The following LHX8 variants were observed in gnomAD, a reference collection of about 807,000 sequenced individuals.
LHX8 encodes the protein LIM homeobox 8.
LHX8 carries 12 observed loss-of-function variants against 40.3 expected under a neutral mutation model. That is an observed-to-expected ratio of 0.30 (90% confidence interval 0.19 to 0.48). The LOEUF (loss-of-function observed/expected upper bound fraction) is 0.48, where lower values mean the gene tolerates loss of function less well. Ranked by LOEUF, LHX8 falls within the 20% of genes least tolerant of loss-of-function variation. The probability of loss-of-function intolerance (pLI) is 0.99; values close to 1 mark genes in which losing one functional copy is unlikely to be tolerated. For synonymous variants in LHX8, 179 were observed against 162.0 expected, an observed-to-expected ratio of 1.10 and a Z score of -0.80; for missense variants, 344 against 433.7, an observed-to-expected ratio of 0.79 and a Z score of 1.84.
At chr1:75,186,566 C>T in the LHX8 span, among the ~76,000 whole-genome samples, 5 of 152,170 alleles carry the variant, frequency 3.3e-5, 1 homozygote, top group South Asian at 1.0e-3. Flanking sequence ...CTGTTTTAAT[C>T]TCTTACTTAG....
At chr1:75,161,640 G>A (rs1295441057), downstream of LHX8, 2 of 146,880 alleles carry the variant, frequency 1.4e-5, no homozygotes, top group Non-Finnish European at 3.0e-5. Context: ...TGCATTGTAT[G>A]AACACATTTG....
downstream of LHX8, among the ~76,000 whole-genome samples, chr1:75,162,826 G>A (rs372965765): frequency 1.4e-4 from 21 of 152,240 alleles, no homozygotes; most frequent in East Asian, 3.7e-3. Flanking sequence ...GGAAAGAATT[G>A]AAGTATTTCC....
chr1:75,180,436 A>T, the LHX8 span, among the ~76,000 whole-genome samples: 3 of 152,068 alleles, frequency 2.0e-5, no homozygotes, highest in Non-Finnish European at 2.9e-5. Flanking sequence ...TCATTTCATT[A>T]ATTTGATCTT....
the LHX8 span, among the ~76,000 whole-genome samples, chr1:75,174,329 T>C: frequency 6.6e-6 from 1 of 152,158 alleles, no homozygotes; most frequent in African/African-American, 2.4e-5. Context: ...TAGGCCCCTG[T>C]TCCTGCCAGC....
upstream of LHX8, among the ~76,000 whole-genome samples, chr1:75,129,654 T>C (rs146070340): frequency 1.5e-3 from 224 of 152,212 alleles, 1 homozygote; most frequent in African/African-American, 5.1e-3. Flanking sequence ...CTCTCACCTA[T>C]CCCCAGAAAC....
chr1:75,148,749 C>T (rs1648529940), intron 7 of LHX8, 67 bp downstream of exon 7: 1 of 1,088,502 alleles, frequency 9.2e-7, no homozygotes, highest in South Asian at 1.3e-5. Context: ...CCCTATGTTG[C>T]CCAGACTGAT....
chr1:75,152,608 G>A (rs188718005), intron 7 of LHX8, among the ~76,000 whole-genome samples: 309 of 152,188 alleles, frequency 2.0e-3, no homozygotes, highest in Middle Eastern at 6.8e-3. Flanking sequence ...TCTACCTTGC[G>A]TGCTTGTTCA....
chr1:75,190,607 C>A, the LHX8 span, among the ~76,000 whole-genome samples: 1 of 152,074 alleles, frequency 6.6e-6, no homozygotes, highest in African/African-American at 2.4e-5. Context: ...AATCAAGATT[C>A]TTCAAAACAA....
chr1:75,180,109 G>A, the LHX8 span, among the ~76,000 whole-genome samples: 4 of 152,016 alleles, frequency 2.6e-5, no homozygotes, highest in Non-Finnish European at 4.4e-5. Flanking sequence ...CTTTCTCTCT[G>A]GCTGCCCTCA....
intron 8 of LHX8, among the ~76,000 whole-genome samples, chr1:75,157,878 T>C (rs895578805): frequency 4.6e-5 from 7 of 152,364 alleles, no homozygotes; most frequent in Admixed American, 1.3e-4. Context: ...GACTTTATTG[T>C]ACATGCTTTT....
At chr1:75,174,952 T>G in the LHX8 span, among the ~76,000 whole-genome samples, 6 of 152,324 alleles carry the variant, frequency 3.9e-5, no homozygotes, top group African/African-American at 1.4e-4. Flanking sequence ...GTGGTTTTTA[T>G]CCCTCACCCC....
the LHX8 span, among the ~76,000 whole-genome samples, chr1:75,181,673 C>T: frequency 8.7e-3 from 1,327 of 152,292 alleles, 8 homozygotes; most frequent in Non-Finnish European, 0.014. Flanking sequence ...CGATGCCCCG[C>T]CCTGCTTTGG....
At chr1:75,139,970 T>C (rs1301689308) in intron 3 of LHX8, among the ~76,000 whole-genome samples, 4 of 152,220 alleles carry the variant, frequency 2.6e-5, no homozygotes, top group Non-Finnish European at 4.4e-5. Context: ...ATTGGTGTTT[T>C]TGTATGTTAC....
chr1:75,134,946 C>T lies in LHX8; in HGVS notation c.-21C>T. 1 of 985,260 alleles carries T rather than the reference C, an allele frequency of 1.0e-6. No homozygotes were observed. Among genetic ancestry groups the T allele is most frequent in the Non-Finnish European group, 1.2e-6 (1 of 829,826 alleles). The allele number at this position is 985,260 out of a possible 1,614,324, so 61.0% of individuals were successfully genotyped here. A position where few individuals can be genotyped will look rare whatever the true frequency, so the allele number is the denominator to read the frequency against. On this transcript the variant is annotated 5_prime_UTR_variant, in exon 1 of 9. Transcript: ENST00000356261. ...TGAAGCCTCGAGCCTAAGGCGCTCTCAGGTCCATGTGAGTCGTGCTTTTGT... is the reference window on the plus strand; with the variant it reads ...TGAAGCCTCGAGCCTAAGGCGCTCTTAGGTCCATGTGAGTCGTGCTTTTGT...
Position 75,145,228 on chromosome 1 carries a change from C to A in LHX8, c.684+1280C>A, listed in dbSNP as rs111344737. 7.2e-3 allele frequency among the ~76,000 whole-genome samples: 1,092 copies of A among 152,164 alleles called. 9 individuals are homozygous for A. Among genetic ancestry groups the A allele is most frequent in the Middle Eastern group, 0.02 (6 of 294 alleles). On this transcript the variant is annotated intron_variant, in intron 6 of 8. Coordinates refer to ENST00000356261, the MANE Select transcript of LHX8 (RefSeq NM_001256114.2). Reference sequence around the variant, plus strand: ...GGATTATTATGAAGATCACACAATGCCCTGTCAGAAGATGTGAGTACTTCT... The same window carrying A: ...GGATTATTATGAAGATCACACAATGACCTGTCAGAAGATGTGAGTACTTCT...
chr1:75,153,982 A>G (rs370472627), intron 7 of LHX8, among the ~76,000 whole-genome samples: 28 of 152,304 alleles, frequency 1.8e-4, no homozygotes, highest in East Asian at 9.6e-4. Context: ...TGGGCTTTCT[A>G]AAGGTTTCAT....
chr1:75,148,169 G>A (rs544182545), intron 6 of LHX8, among the ~76,000 whole-genome samples: 2 of 152,238 alleles, frequency 1.3e-5, no homozygotes, highest in Non-Finnish European at 2.9e-5. Context: ...GGTATTAGGG[G>A]CCTTGAACAT....
downstream of LHX8, among the ~76,000 whole-genome samples, chr1:75,165,219 C>T (rs568533592): frequency 7.2e-5 from 11 of 152,168 alleles, no homozygotes; most frequent in South Asian, 6.2e-4. Context: ...TTTTTAAATG[C>T]GTTTCTGTAT....
chr1:75,192,912 T>A, the LHX8 span, among the ~76,000 whole-genome samples: 1 of 152,206 alleles, frequency 6.6e-6, no homozygotes, highest in Non-Finnish European at 1.5e-5. Context: ...CAGGCTGGCC[T>A]TGAACTCCTG....
Sources: allele counts gnomAD v4.1 joint callset (sites outside exome capture counted in the v4.1 genomes callset), GRCh38; gene constraint gnomAD v4.1.1; transcripts MANE v1.5; gene names NCBI Gene and HGNC (gene_info 2026-07-23, HGNC 2026-07-21).